The following FHIT variants were observed in gnomAD, a reference collection of about 807,000 sequenced individuals.
The protein encoded by FHIT is bis(5'-adenosyl)-triphosphatase.
In FHIT, 19 loss-of-function variants were observed where a neutral mutation model predicts 17.9. That is an observed-to-expected ratio of 1.06 (90% CI 0.74 to 1.56). FHIT has a LOEUF of 1.56. FHIT is among the 40% of genes most tolerant of loss of function. The probability of loss-of-function intolerance (pLI) is 0.00; values close to 1 mark genes in which losing one functional copy is unlikely to be tolerated. For synonymous variants in FHIT, 81 were observed against 69.7 expected, an observed-to-expected ratio of 1.16 and a Z score of -0.81; for missense variants, 248 against 189.2, an observed-to-expected ratio of 1.31 and a Z score of -1.82.
chr3:60,260,418 C>T (rs1005938521), intron 5 of FHIT, among the ~76,000 whole-genome samples: 1 of 151,112 alleles, frequency 6.6e-6, no homozygotes, highest in Non-Finnish European at 1.5e-5. Context: ...ACTTATTTTT[C>T]TTCCTGCCAG....
chr3:60,706,244 G>A (rs1199978623), intron 4 of FHIT, among the ~76,000 whole-genome samples: 1 of 151,428 alleles, frequency 6.6e-6, no homozygotes, highest in Non-Finnish European at 1.5e-5. Context: ...GGCCTGTTGG[G>A]GGTTTGGGGG....
chr3:59,878,297 G>C (rs1343187178), intron 8 of FHIT, among the ~76,000 whole-genome samples: 1 of 151,902 alleles, frequency 6.6e-6, no homozygotes, highest in Non-Finnish European at 1.5e-5. Flanking sequence ...GCACGTGTGT[G>C]TGTGAGTCAT....
chr3:60,501,964 G>T (rs2034543411), intron 5 of FHIT, among the ~76,000 whole-genome samples: 2 of 152,178 alleles, frequency 1.3e-5, no homozygotes, highest in African/African-American at 4.8e-5. Flanking sequence ...ACGCATAAAT[G>T]ATGTAAACAA....
At chr3:60,860,845 G>T (rs868921929) in intron 3 of FHIT, among the ~76,000 whole-genome samples, 427 of 29,698 alleles carry the variant, frequency 0.014, 88 homozygotes, top group Middle Eastern at 0.071. Context: ...ACATATATCA[G>T]GTATATATGA....
intron 5 of FHIT, among the ~76,000 whole-genome samples, chr3:60,314,724 C>T (rs1401465094): frequency 6.6e-6 from 1 of 152,076 alleles, no homozygotes; most frequent in Non-Finnish European, 1.5e-5. Context: ...TTCCTTCCAT[C>T]CAGAAGTGAG....
At chr3:60,827,972 T>C (rs1277996118) in intron 3 of FHIT, among the ~76,000 whole-genome samples, 1 of 152,206 alleles carries the variant, frequency 6.6e-6, no homozygotes, top group Non-Finnish European at 1.5e-5. Context: ...GAGAATGCTT[T>C]AGTAAAATAG....
chr3:59,762,378 C>A (rs914229179), intron 8 of FHIT, among the ~76,000 whole-genome samples: 5 of 152,166 alleles, frequency 3.3e-5, no homozygotes, highest in Non-Finnish European at 7.3e-5. Context: ...CTAAATTACA[C>A]TTTTCCTCCC....
At chr3:59,900,241 C>A (rs1359728455) in intron 8 of FHIT, among the ~76,000 whole-genome samples, 1 of 152,176 alleles carries the variant, frequency 6.6e-6, no homozygotes, top group East Asian at 1.9e-4. Context: ...CCCAGACTCA[C>A]CCCACAGGGC....
At chr3:60,308,956 G>T (rs1230673583) in intron 5 of FHIT, among the ~76,000 whole-genome samples, 1 of 152,124 alleles carries the variant, frequency 6.6e-6, no homozygotes, top group Non-Finnish European at 1.5e-5. Flanking sequence ...CCTAGAGAGT[G>T]ATTATCTCAC....
chr3:61,215,592 G>A (rs2039647624), intron 1 of FHIT, among the ~76,000 whole-genome samples: 2 of 152,130 alleles, frequency 1.3e-5, no homozygotes, highest in African/African-American at 2.4e-5. Flanking sequence ...TAGATTCAAT[G>A]CCATCCCCAT....
At chr3:60,396,378 C>T (rs926305598) in intron 5 of FHIT, among the ~76,000 whole-genome samples, 4 of 151,942 alleles carry the variant, frequency 2.6e-5, no homozygotes, top group Non-Finnish European at 5.9e-5. Context: ...AGTTTATGAG[C>T]GAGTGACAAA....
At chr3:60,163,011 A>G (rs1473230905) in intron 5 of FHIT, among the ~76,000 whole-genome samples, 1 of 152,186 alleles carries the variant, frequency 6.6e-6, no homozygotes, top group Non-Finnish European at 1.5e-5. Flanking sequence ...AATTCTAACA[A>G]AGGTCCTAGT....
At chr3:60,978,587 T>C (rs1710362688) in intron 3 of FHIT, among the ~76,000 whole-genome samples, 1 of 152,242 alleles carries the variant, frequency 6.6e-6, no homozygotes, top group African/African-American at 2.4e-5. Context: ...ACTCTGCAAC[T>C]GATTTGCAAT....
intron 5 of FHIT, among the ~76,000 whole-genome samples, chr3:60,283,485 T>C (rs4679521): frequency 0.26 from 39,329 of 152,030 alleles, 5,796 homozygotes; most frequent in East Asian, 0.68. Context: ...GAAAAACATG[T>C]ATCCATCACC....
intron 5 of FHIT, among the ~76,000 whole-genome samples, chr3:60,178,298 G>A (rs576598815): frequency 1.2e-4 from 18 of 152,120 alleles, no homozygotes; most frequent in African/African-American, 2.4e-4. Context: ...ATAAAGAAGC[G>A]CAGATAAGGC....
chr3:60,249,695 C>G (rs1364344202), intron 5 of FHIT, among the ~76,000 whole-genome samples: 4 of 150,942 alleles, frequency 2.7e-5, no homozygotes, highest in African/African-American at 7.3e-5. Context: ...CCAAGACACA[C>G]ACACACACAC....
chr3:59,959,917 G>C (rs753088695), intron 7 of FHIT, among the ~76,000 whole-genome samples: 1 of 152,110 alleles, frequency 6.6e-6, no homozygotes, highest in Non-Finnish European at 1.5e-5. Context: ...TGGGGCTAGA[G>C]AACTAATAAG....
intron 5 of FHIT, among the ~76,000 whole-genome samples, chr3:60,294,776 A>G (rs1395861924): frequency 6.6e-6 from 1 of 152,116 alleles, no homozygotes; most frequent in African/African-American, 2.4e-5. Context: ...ATGTTATATA[A>G]ATGGAATCAT....
At chr3:60,226,415 T>C (rs570469949) in intron 5 of FHIT, among the ~76,000 whole-genome samples, 98 of 136,884 alleles carry the variant, frequency 7.2e-4, no homozygotes, top group African/African-American at 2.7e-3. Context: ...GAGGTTGCGG[T>C]GAGCTGAGAT....
Sources: allele counts gnomAD v4.1 joint callset (sites outside exome capture counted in the v4.1 genomes callset), GRCh38; gene constraint gnomAD v4.1.1; transcripts MANE v1.5; gene names NCBI Gene and HGNC (gene_info 2026-07-23, HGNC 2026-07-21).